The following LUZP2 variants were observed in gnomAD, a reference collection of about 807,000 sequenced individuals.
LUZP2 encodes leucine zipper protein 2.
Under a neutral mutation model 51.6 loss-of-function variants are expected in LUZP2, and 52 were observed. The ratio of observed to expected loss-of-function variants is 1.01; its 90% confidence interval spans 0.81 to 1.27. The LOEUF (loss-of-function observed/expected upper bound fraction) is 1.27. Ranked by LOEUF, LUZP2 falls within the 50% of genes most tolerant of loss-of-function variation. The pLI is 0.00. For missense variants in LUZP2, 436 were observed against 395.4 expected (o/e 1.10, Z -0.87); for synonymous variants, 154 against 137.3 (o/e 1.12, Z -0.85).
chr11:24,904,148 C>T (rs1201307261), intron 5 of LUZP2, among the ~76,000 whole-genome samples: 1 of 152,040 alleles, frequency 6.6e-6, no homozygotes, highest in Non-Finnish European at 1.5e-5. Context: ...TTATTTTTTG[C>T]CTTTTGATAA....
At chr11:24,515,684 G>A (rs1464669386) in intron 1 of LUZP2, among the ~76,000 whole-genome samples, 4 of 152,140 alleles carry the variant, frequency 2.6e-5, no homozygotes, top group African/African-American at 9.7e-5. Context: ...ATTCCAGGAA[G>A]AGAATAGCAA....
chr11:24,675,622 T>G, intron 1 of LUZP2, among the ~76,000 whole-genome samples: 1 of 151,996 alleles, frequency 6.6e-6, no homozygotes, highest in East Asian at 1.9e-4. Context: ...TACATTTGAA[T>G]AAAAATTGCT....
intron 1 of LUZP2, among the ~76,000 whole-genome samples, chr11:24,637,940 C>G (rs1211964407): frequency 6.6e-6 from 1 of 151,804 alleles, no homozygotes; most frequent in Non-Finnish European, 1.5e-5. Context: ...CTAATAAAAA[C>G]TTACTGGTTT....
chr11:24,570,423 T>A (rs1852395243), intron 1 of LUZP2, among the ~76,000 whole-genome samples: 1 of 152,094 alleles, frequency 6.6e-6, no homozygotes, highest in Non-Finnish European at 1.5e-5. Context: ...CCATTTATCA[T>A]AGGTTTATTT....
chr11:24,564,533 G>C (rs901912891), intron 1 of LUZP2, among the ~76,000 whole-genome samples: 4 of 152,124 alleles, frequency 2.6e-5, no homozygotes, highest in South Asian at 2.1e-4. Context: ...TTTTGATATA[G>C]AACCTTTCAC....
intron 5 of LUZP2, among the ~76,000 whole-genome samples, chr11:24,848,579 C>T (rs1851279943): frequency 6.6e-6 from 1 of 152,022 alleles, no homozygotes; most frequent in Non-Finnish European, 1.5e-5. Context: ...TATGCTGTTT[C>T]TCTTTTGCTT....
At position 25,050,196 on chromosome 11, in the gene LUZP2, A is replaced by T. The variant is rs577058303; in HGVS notation, c.858+66A>T. The T allele has an allele frequency of 4.7e-5, 37 of 782,650 alleles. No homozygotes were observed. The African/African-American group carries it at 6.6e-4, about 14-fold the overall frequency. 48.5% of individuals were successfully genotyped at this position (782,650 alleles called of 1,614,324 possible). ...AGAAAAAAGCACAAGCATTTTAGCAATTCTAATTCATGCCACCATGAAACT... is the reference window on the plus strand; with the variant it reads ...AGAAAAAAGCACAAGCATTTTAGCATTTCTAATTCATGCCACCATGAAACT... On this transcript the variant is annotated intron_variant, in intron 10 of 11. Coordinates refer to ENST00000336930, the MANE Select transcript of LUZP2 (RefSeq NM_001009909.4).
chr11:24,556,392 A>G (rs12224064), intron 1 of LUZP2, among the ~76,000 whole-genome samples: 1 of 152,196 alleles, frequency 6.6e-6, no homozygotes, highest in African/African-American at 2.4e-5. Context: ...GATCTGGTCC[A>G]GTGAGAGAAT....
intron 5 of LUZP2, chr11:24,891,990 G>A (rs1216557580): frequency 1.0e-6 from 1 of 985,446 alleles, no homozygotes; most frequent in East Asian, 1.1e-4. Flanking sequence ...GGTATAGCTG[G>A]CATGGGACTG....
intron 1 of LUZP2, among the ~76,000 whole-genome samples, chr11:24,670,571 G>GT (rs1259607812): frequency 1.3e-5 from 2 of 151,922 alleles, no homozygotes; most frequent in African/African-American, 4.8e-5. Context: ...CTAATAGGCT[G>GT]TTTTTTTGAA....
chr11:24,892,452 A>G, intron 5 of LUZP2: 1 of 904,030 alleles, frequency 1.1e-6, no homozygotes, highest in Non-Finnish European at 1.3e-6. Flanking sequence ...TTCAACATTT[A>G]TACCATCCAG....
intron 1 of LUZP2, among the ~76,000 whole-genome samples, chr11:24,570,090 T>A (rs184726215): frequency 5.2e-4 from 79 of 152,164 alleles, no homozygotes; most frequent in African/African-American, 1.9e-3. Context: ...CTTTTTTGTA[T>A]CCAAATTACT....
At chr11:24,627,622 G>C (rs1854728436) in intron 1 of LUZP2, among the ~76,000 whole-genome samples, 1 of 152,206 alleles carries the variant, frequency 6.6e-6, no homozygotes, top group Admixed American at 6.5e-5. Context: ...TGCAGTATGT[G>C]AATAACCAGT....
intron 1 of LUZP2, among the ~76,000 whole-genome samples, chr11:24,597,791 T>C (rs1196881507): frequency 6.6e-6 from 1 of 152,172 alleles, no homozygotes; most frequent in East Asian, 1.9e-4. Flanking sequence ...TACTCACTTA[T>C]TCTTTAGTCA....
rs181773776 is a variant in LUZP2, at chr11:24,511,709, C to G, written c.62+14404C>G. Among the ~76,000 whole-genome samples, 59 of 152,274 alleles carry G rather than the reference C, an allele frequency of 3.9e-4. 1 individual carries two copies. Among genetic ancestry groups the G allele is most frequent in the African/African-American group, 1.4e-3 (57 of 41,552 alleles). Reference sequence around the variant, plus strand: ...TTTATGATTTATATTGTGGTTTAGACATATGAAGTACTTAACTATGTGCTT... The same window carrying G: ...TTTATGATTTATATTGTGGTTTAGAGATATGAAGTACTTAACTATGTGCTT... On this transcript the variant is annotated intron_variant, in intron 1 of 11. Coordinates refer to ENST00000336930, the MANE Select transcript of LUZP2 (RefSeq NM_001009909.4).
At chr11:24,764,204 C>A (rs1025649560) in intron 5 of LUZP2, among the ~76,000 whole-genome samples, 1 of 152,074 alleles carries the variant, frequency 6.6e-6, no homozygotes, top group Non-Finnish European at 1.5e-5. Flanking sequence ...TGCACACGTG[C>A]GTGGGCGCGT....
chr11:24,538,981 A>C (rs1851273011), intron 1 of LUZP2, among the ~76,000 whole-genome samples: 1 of 151,910 alleles, frequency 6.6e-6, no homozygotes, highest in Non-Finnish European at 1.5e-5. Flanking sequence ...GAATGTATAC[A>C]GTAGACATAT....
intron 1 of LUZP2, among the ~76,000 whole-genome samples, chr11:24,601,313 A>C (rs1159268674): frequency 6.6e-6 from 1 of 152,048 alleles, no homozygotes; most frequent in African/African-American, 2.4e-5. Flanking sequence ...CAGAAATGTC[A>C]GCTGTGTGGT....
chr11:24,645,114 G>C (rs577749211), intron 1 of LUZP2, among the ~76,000 whole-genome samples: 1 of 152,144 alleles, frequency 6.6e-6, no homozygotes, highest in Admixed American at 6.6e-5. Flanking sequence ...TTCTGGCATT[G>C]TGTCTAATAA....
Sources: allele counts gnomAD v4.1 joint callset (sites outside exome capture counted in the v4.1 genomes callset), GRCh38; gene constraint gnomAD v4.1.1; transcripts MANE v1.5; gene names NCBI Gene and HGNC (gene_info 2026-07-23, HGNC 2026-07-21).